The following MYRIP variants were observed in gnomAD, a reference collection of about 807,000 sequenced individuals.
MYRIP encodes the protein rab effector MyRIP.
In MYRIP, 49 loss-of-function variants were observed where a neutral mutation model predicts 98.0. The ratio of observed to expected loss-of-function variants is 0.50; its 90% CI spans 0.40 to 0.63. MYRIP has a LOEUF of 0.63. Ranked by LOEUF, MYRIP falls within the 30% of genes least tolerant of loss-of-function variation. The pLI is 0.00. For missense variants in MYRIP, 1,004 were observed against 1,058.2 expected (o/e 0.95, Z 0.71); for synonymous variants, 404 against 409.5 (o/e 0.99, Z 0.16).
At chr3:40,122,115 T>C (rs972202975) in intron 3 of MYRIP, among the ~76,000 whole-genome samples, 1 of 152,156 alleles carries the variant, frequency 6.6e-6, no homozygotes, top group Non-Finnish European at 1.5e-5. Context: ...ATTTACTCTT[T>C]GCTTATCTCA....
intron 2 of MYRIP, among the ~76,000 whole-genome samples, chr3:40,001,258 G>C (rs1032152580): frequency 6.6e-6 from 1 of 152,198 alleles, no homozygotes; most frequent in East Asian, 1.9e-4. Flanking sequence ...AATGGTGAAA[G>C]TGGTTGCCTG....
chr3:39,869,537 G>T (rs1474043678), intron 1 of MYRIP, among the ~76,000 whole-genome samples: 1 of 151,788 alleles, frequency 6.6e-6, no homozygotes, highest in African/African-American at 2.4e-5. Flanking sequence ...TAAAGCCTTT[G>T]CGTACTTCTC....
chr3:40,214,327 G>A (rs1315170780), intron 11 of MYRIP, among the ~76,000 whole-genome samples: 2 of 152,202 alleles, frequency 1.3e-5, no homozygotes, highest in East Asian at 3.9e-4. Flanking sequence ...GGGAGCCAAA[G>A]CAGAGGAATG....
chr3:40,217,393 T>C (rs1286566308), intron 11 of MYRIP, among the ~76,000 whole-genome samples: 4 of 152,174 alleles, frequency 2.6e-5, no homozygotes, highest in African/African-American at 7.2e-5. Context: ...CCAGACAGGA[T>C]GTAGTCTAAG....
At position 39,859,534 on chromosome 3, in the gene MYRIP, A is replaced by T. The variant is rs561545834; in HGVS notation, c.-30-41253A>T. ...TTCAAATTCATTTTATGAGGCTAAC[A>T]TTACATGGATACTAGAGCAAGATGG... On this transcript the variant is annotated intron_variant, in intron 1 of 16. Coordinates refer to ENST00000302541, the MANE Select transcript of MYRIP (RefSeq NM_015460.4). Among the ~76,000 whole-genome samples, 11 of 152,334 alleles carry T rather than the reference A, an allele frequency of 7.2e-5. 1 individual carries two copies. Among genetic ancestry groups the T allele is most frequent in the African/African-American group, 2.4e-4 (10 of 41,580 alleles).
chr3:39,846,859 G>A (rs569753534), intron 1 of MYRIP, among the ~76,000 whole-genome samples: 4 of 152,226 alleles, frequency 2.6e-5, no homozygotes, highest in Admixed American at 6.5e-5. Context: ...GAGAGCTGAT[G>A]GTAAAGTTCC....
At chr3:40,139,765 A>G (rs1021939461) in intron 3 of MYRIP, among the ~76,000 whole-genome samples, 10 of 152,076 alleles carry the variant, frequency 6.6e-5, no homozygotes, top group African/African-American at 2.4e-4. Context: ...TTTTTAGTAG[A>G]GATGAGGTTT....
chr3:39,980,835 G>A (rs1198999241), intron 2 of MYRIP, among the ~76,000 whole-genome samples: 3 of 152,128 alleles, frequency 2.0e-5, no homozygotes, highest in African/African-American at 7.2e-5. Context: ...CTAGAGTAGT[G>A]AAAAATCATA....
At chr3:39,936,937 C>T (rs940831543) in intron 2 of MYRIP, among the ~76,000 whole-genome samples, 1 of 152,188 alleles carries the variant, frequency 6.6e-6, no homozygotes, top group African/African-American at 2.4e-5. Flanking sequence ...TTAGTCTTCA[C>T]ATTAGTTGTT....
rs72868148 is a variant in MYRIP, at chr3:39,889,897, A to G, written c.-30-10890A>G. Among the ~76,000 whole-genome samples the G allele has an allele frequency of 1.9e-3, 282 of 152,238 alleles. 1 individual carries two copies. Among genetic ancestry groups the G allele is most frequent in the African/African-American group, 5.9e-3 (244 of 41,552 alleles). On this transcript the variant is annotated intron_variant, in intron 1 of 16. Transcript: ENST00000302541. ...ATGGTTTCATTTTTTAGTCTTTGAC[A>G]CTATAACCATGCCTTACAATCCACA...
chr3:40,131,907 ATCT>A (rs1463298292), intron 3 of MYRIP, among the ~76,000 whole-genome samples: 1 of 152,008 alleles, frequency 6.6e-6, no homozygotes, highest in Non-Finnish European at 1.5e-5. Context: ...GCTTCTCTTC[ATCT>A]TCTTCTACCT....
chr3:39,869,020 G>GT (rs1400146238), intron 1 of MYRIP, among the ~76,000 whole-genome samples: 1 of 152,168 alleles, frequency 6.6e-6, no homozygotes, highest in Non-Finnish European at 1.5e-5. Flanking sequence ...CAGTTTGACT[G>GT]TGATGTGCCT....
chr3:39,850,310 A>G (rs574991730), intron 1 of MYRIP, among the ~76,000 whole-genome samples: 1 of 152,330 alleles, frequency 6.6e-6, no homozygotes, highest in African/African-American at 2.4e-5. Context: ...CCCGGTAGCC[A>G]TTACCACAGT....
At chr3:39,931,061 CAAAA>C (rs1324031457) in intron 2 of MYRIP, among the ~76,000 whole-genome samples, 1 of 151,846 alleles carries the variant, frequency 6.6e-6, no homozygotes, top group African/African-American at 2.4e-5. Context: ...AAATCGATAA[CAAAA>C]GAACAAAAAC....
At chr3:39,920,587 C>T (rs928281147) in intron 2 of MYRIP, among the ~76,000 whole-genome samples, 30 of 152,122 alleles carry the variant, frequency 2.0e-4, no homozygotes, top group African/African-American at 7.2e-4. Context: ...TATACAGTGG[C>T]TTCTGCTTTT....
intron 1 of MYRIP, among the ~76,000 whole-genome samples, chr3:39,872,714 C>T (rs1942842289): frequency 6.6e-6 from 1 of 152,062 alleles, no homozygotes; most frequent in African/African-American, 2.4e-5. Flanking sequence ...ATATGTGCCA[C>T]ATTTTCTTAA....
In MYRIP at chr3:39,961,711, A is replaced by T. The variant is rs575544197; in HGVS notation, c.110+60785A>T. On this transcript the variant is annotated intron_variant, in intron 2 of 16. Coordinates refer to ENST00000302541, the MANE Select transcript of MYRIP (RefSeq NM_015460.4). ...TAATGTCAGAAGACCACAAAACTGCATCTTTTAGTCCTATTGCATTATTTC... is the reference window on the plus strand; with the variant it reads ...TAATGTCAGAAGACCACAAAACTGCTTCTTTTAGTCCTATTGCATTATTTC... 3.9e-5 allele frequency among the ~76,000 whole-genome samples: 6 copies of T among 152,254 alleles called. No homozygotes were observed. The South Asian group carries it at 1.0e-3, about 26-fold the overall frequency.
intron 3 of MYRIP, among the ~76,000 whole-genome samples, chr3:40,134,318 C>T (rs181551186): frequency 1.2e-3 from 184 of 152,326 alleles, no homozygotes; most frequent in Non-Finnish European, 1.6e-3. Context: ...AACTGCAAGG[C>T]GGCAGCGAGG....
chr3:39,962,088 C>A (rs1051965338), intron 2 of MYRIP, among the ~76,000 whole-genome samples: 1 of 152,108 alleles, frequency 6.6e-6, no homozygotes, highest in Non-Finnish European at 1.5e-5. Flanking sequence ...CATCTGGATT[C>A]AAACTGAAGA....
Sources: gnomAD v4.1 joint callset for allele counts (sites outside exome capture counted in the v4.1 genomes callset) on GRCh38, gnomAD v4.1.1 for gene constraint, MANE v1.5 for transcripts, NCBI Gene and HGNC (gene_info 2026-07-23, HGNC 2026-07-21) for gene names.